Variants in STPG2 observed in about 807,000 individuals in gnomAD.
STPG2 encodes the protein sperm tail PG-rich repeat containing 2, also known as sperm-tail PG-rich repeat-containing protein 2.
In STPG2, 56 loss-of-function variants were observed where a neutral mutation model predicts 54.2. The ratio of observed to expected loss-of-function variants is 1.03; its 90% CI spans 0.83 to 1.29. The LOEUF is 1.29. STPG2 is among the 50% of genes most tolerant of loss of function. The pLI, the probability that STPG2 is intolerant of heterozygous loss-of-function variation, is 0.00. For synonymous variants in STPG2, 200 were observed against 181.8 expected (o/e 1.10, Z -0.81); for missense variants, 596 against 544.9 (o/e 1.09, Z -0.93).
chr4:97,992,811 C>T (rs761480268), intron 5 of STPG2, among the ~76,000 whole-genome samples: 1 of 152,006 alleles, frequency 6.6e-6, no homozygotes, highest in African/African-American at 2.4e-5. Flanking sequence ...CTTTCACCTC[C>T]TTAGTTAAGT....
intron 8 of STPG2, among the ~76,000 whole-genome samples, chr4:97,865,648 C>T (rs1215615069): frequency 6.6e-6 from 1 of 150,618 alleles, no homozygotes; most frequent in African/African-American, 2.4e-5. Flanking sequence ...GGGAATTGAA[C>T]AATGAGAACA....
chr4:97,610,713 AG>A (rs1184109336), intron 10 of STPG2, among the ~76,000 whole-genome samples: 2 of 152,138 alleles, frequency 1.3e-5, no homozygotes, highest in African/African-American at 4.8e-5. Context: ...CAGATCAGGC[AG>A]GAACATTGTA....
intron 4 of STPG2, among the ~76,000 whole-genome samples, chr4:97,547,576 C>T (rs1338265006): frequency 6.6e-6 from 1 of 152,134 alleles, no homozygotes; most frequent in Non-Finnish European, 1.5e-5. Context: ...ACTCTGCCTG[C>T]AACGTGAAAC....
At chr4:97,601,375 T>C (rs1733457048) in intron 10 of STPG2, among the ~76,000 whole-genome samples, 1 of 152,086 alleles carries the variant, frequency 6.6e-6, no homozygotes, top group African/African-American at 2.4e-5. Flanking sequence ...CTTATATAAG[T>C]ATAGATTCTA....
At chr4:97,641,903 G>T (rs746286322) in intron 10 of STPG2, among the ~76,000 whole-genome samples, 5 of 151,370 alleles carry the variant, frequency 3.3e-5, no homozygotes, top group African/African-American at 1.2e-4. Flanking sequence ...GAGCAAATAT[G>T]ACATAAGAAA....
chr4:98,002,852 T>G (rs1391506107), intron 5 of STPG2, among the ~76,000 whole-genome samples: 1 of 152,122 alleles, frequency 6.6e-6, no homozygotes, highest in Non-Finnish European at 1.5e-5. Flanking sequence ...AGATCATCAA[T>G]TTAAGTACTT....
At chr4:97,796,654 T>C (rs1322117497) in intron 9 of STPG2, among the ~76,000 whole-genome samples, 1 of 152,194 alleles carries the variant, frequency 6.6e-6, no homozygotes, top group Non-Finnish European at 1.5e-5. Context: ...AGCTTTGTTC[T>C]TTTGGCTTAG....
intron 8 of STPG2, among the ~76,000 whole-genome samples, chr4:97,936,064 G>C (rs1317516341): frequency 6.6e-6 from 1 of 152,190 alleles, no homozygotes; most frequent in Non-Finnish European, 1.5e-5. Context: ...GGGTGCTCCT[G>C]TATTGGGTGC....
intron 10 of STPG2, among the ~76,000 whole-genome samples, chr4:97,629,989 T>C (rs779046953): frequency 1.3e-5 from 2 of 151,996 alleles, no homozygotes; most frequent in Non-Finnish European, 2.9e-5. Context: ...TTTCCTGACA[T>C]TGAGTTGTTA....
chr4:97,810,923 C>T (rs1296794853), intron 9 of STPG2, among the ~76,000 whole-genome samples: 2 of 152,082 alleles, frequency 1.3e-5, no homozygotes, highest in Non-Finnish European at 2.9e-5. Context: ...TAAATGGTGG[C>T]ATAAAACACA....
intron 4 of STPG2, among the ~76,000 whole-genome samples, chr4:97,462,057 T>G (rs1426414975): frequency 1.3e-5 from 2 of 152,206 alleles, no homozygotes; most frequent in South Asian, 4.1e-4. Context: ...ACTTCTTCTT[T>G]TCTAGAATCT....
chr4:97,675,874 G>GTA, intron 10 of STPG2, among the ~76,000 whole-genome samples: 2 of 146,904 alleles, frequency 1.4e-5, no homozygotes, highest in East Asian at 4.0e-4. Context: ...GGCCATTATT[G>GTA]TATATACAGT....
At chr4:98,136,696 AC>A (rs1466455417) in intron 1 of STPG2, among the ~76,000 whole-genome samples, 1 of 151,748 alleles carries the variant, frequency 6.6e-6, no homozygotes, top group Non-Finnish European at 1.5e-5. Context: ...AAAATGTACA[AC>A]CACAATAGGA....
chr4:97,670,573 A>G (rs1722667595), intron 10 of STPG2, among the ~76,000 whole-genome samples: 1 of 152,200 alleles, frequency 6.6e-6, no homozygotes, highest in South Asian at 2.1e-4. Flanking sequence ...ATTCTTTTGC[A>G]GCAGATTGAG....
chr4:97,735,756 A>G (rs542701725), intron 9 of STPG2, among the ~76,000 whole-genome samples: 3 of 151,938 alleles, frequency 2.0e-5, no homozygotes, highest in East Asian at 1.9e-4. Flanking sequence ...CCTTATATAT[A>G]TGTGTGTCTG....
Position 98,126,845 on chromosome 4 carries a change from T to C in STPG2, c.387+1583A>G, listed in dbSNP as rs545807918. 3.3e-5 allele frequency among the ~76,000 whole-genome samples: 5 copies of C among 152,200 alleles called. No homozygotes were observed. The South Asian group carries it at 1.0e-3, about 32-fold the overall frequency. On this transcript the variant is annotated intron_variant, in intron 3 of 10. Transcript: ENST00000295268. ...AGAAAAAATGATACAACAAATGTGA[T>C]AAAATGTTAACACCTGCAGGATCTG... is the stretch of plus-strand genomic sequence containing the variant.
intron 5 of STPG2, among the ~76,000 whole-genome samples, chr4:98,086,120 TGCA>T (rs1738495681): frequency 6.6e-6 from 1 of 152,154 alleles, no homozygotes; most frequent in Non-Finnish European, 1.5e-5. Flanking sequence ...TTGCTATATT[TGCA>T]GAATTGTAGA....
intron 10 of STPG2, among the ~76,000 whole-genome samples, chr4:97,641,299 C>T (rs2148945521): frequency 6.6e-6 from 1 of 151,470 alleles, no homozygotes; most frequent in Middle Eastern, 3.4e-3. Flanking sequence ...AATCAACATA[C>T]ACAAATAGGC....
At chr4:97,606,895 TA>T (rs975264611) in intron 10 of STPG2, among the ~76,000 whole-genome samples, 1 of 152,044 alleles carries the variant, frequency 6.6e-6, no homozygotes, top group African/African-American at 2.4e-5. Context: ...TATTTTAAAT[TA>T]AATTTCAAAT....
Sources: allele counts gnomAD v4.1 joint callset (sites outside exome capture counted in the v4.1 genomes callset), GRCh38; gene constraint gnomAD v4.1.1; transcripts MANE v1.5; gene names NCBI Gene and HGNC (gene_info 2026-07-23, HGNC 2026-07-21).